The following ZFYVE19 variants were observed in gnomAD, a reference collection of about 807,000 sequenced individuals.
ZFYVE19 encodes the protein zinc finger FYVE-type containing 19.
A neutral mutation model predicts 62.8 loss-of-function variants in ZFYVE19; 49 were observed. That is an observed-to-expected ratio of 0.78 (90% confidence interval 0.62 to 0.99). ZFYVE19 has a LOEUF of 0.99. Among genes scored for constraint, ZFYVE19 ranks in the 50% least tolerant of loss-of-function variants. The pLI is 0.00. For missense variants in ZFYVE19, 630 were observed against 601.9 expected (o/e 1.05, Z -0.49); for synonymous variants, 242 against 234.3 (o/e 1.03, Z -0.30).
rs1475982139 is a variant in ZFYVE19, at chr15:40,809,199, C to T, written c.360C>T (p.Thr120=). 6.2e-7 allele frequency: 1 copy of T among 1,614,218 alleles called. No individual in the cohort carries two copies. The highest frequency in any genetic ancestry group is 1.7e-5 in the Admixed American group (1 of 60,028). The part of the protein sequence containing the change: ...FSAAVPRTGN[T]QQKVCKQCHE... ...CAGCAGTGCCTCGGACTGGGAACAC[C>T]CAACAGAAAGTCTGCAAGCAATGCC... is the stretch of plus-strand genomic sequence containing the variant. The change falls in exon 2 of 11, where the codon ACC becomes ACT. Residue 120 remains threonine, a synonymous_variant. Coordinates refer to ENST00000355341, the MANE Select transcript of ZFYVE19 (RefSeq NM_001077268.2).
At chr15:40,810,930 T>A (rs926485441) in intron 6 of ZFYVE19, 173 bp downstream of exon 6, 2 of 761,564 alleles carry the variant, frequency 2.6e-6, no homozygotes, top group Non-Finnish European at 2.0e-6. Flanking sequence ...GCCTAGTGTT[T>A]AAGTGCACGG....
chr15:40,810,704 C>T lies in ZFYVE19; in HGVS notation c.773C>T (p.Thr258Met), dbSNP rs776500976. 3.9e-5 allele frequency: 61 copies of T among 1,577,260 alleles called. 1 individual carries two copies. The highest frequency in any genetic ancestry group is 4.5e-5 in the Non-Finnish European group (52 of 1,161,366). The change falls in exon 6 of 11, where the codon ACG becomes ATG. Residue 258 changes from threonine (T) to methionine (M), a missense_variant. Thr to Met is a moderately conservative substitution (Grantham distance 81, BLOSUM62 -1). Coordinates refer to ENST00000355341, the MANE Select transcript of ZFYVE19 (RefSeq NM_001077268.2). ...GCCCAGCAGACACAGGATCTGCTAACGCAGCTGGCAGCTGAGGTGGCTATC... is the reference window on the plus strand; with the variant it reads ...GCCCAGCAGACACAGGATCTGCTAATGCAGCTGGCAGCTGAGGTGGCTATC... ...TQAQQTQDLL[T>M]QLAAEVAIDE...
chr15:40,811,991 T>G (rs1890501616), intron 6 of ZFYVE19, among the ~76,000 whole-genome samples: 1 of 152,244 alleles, frequency 6.6e-6, no homozygotes, highest in Non-Finnish European at 1.5e-5. Context: ...TGCTAATTCC[T>G]GCCCTGAAAG....
intron 6 of ZFYVE19, 79 bp downstream of exon 6, chr15:40,810,836 GGGAGATGAATATAAATC>G: frequency 2.6e-6 from 4 of 1,512,804 alleles, no homozygotes. Context: ...TCCACCCTCT[GGGAGATGAATATAAATC>G]GGAGAGTGAT....
intron 5 of ZFYVE19, 77 bp from the exon 6 acceptor site, chr15:40,810,572 C>A (rs947219676): frequency 2.6e-6 from 4 of 1,523,600 alleles, no homozygotes; most frequent in Non-Finnish European, 2.6e-6. Flanking sequence ...GCTTTGAGAA[C>A]TACTTAGCAT....
intron 6 of ZFYVE19, 112 bp from the exon 7 acceptor site, chr15:40,812,585 GAA>G: frequency 6.0e-6 from 2 of 335,382 alleles, no homozygotes; most frequent in South Asian, 6.3e-5. Flanking sequence ...AAGAAAGAAA[GAA>G]AGAAAAAATT....
rs1447848362 is a variant in ZFYVE19 at position 40,814,962 on chromosome 15, G to GCGCCCTAA, written c.*738_*745dup. The GCGCCCTAA allele has an allele frequency of 6.5e-6, 1 of 153,358 alleles. No individual in the cohort carries two copies. 9.5% of individuals were successfully genotyped at this position (153,358 alleles called of 1,614,324 possible). A position where few individuals can be genotyped will look rare whatever the true frequency, so the allele number is the denominator to read the frequency against. On this transcript the variant is annotated 3_prime_UTR_variant, in exon 11 of 11. Coordinates refer to ENST00000355341, the MANE Select transcript of ZFYVE19 (RefSeq NM_001077268.2). The stretch of plus-strand genomic sequence containing the variant: ...GTCTCAGTATCTCTCTTCCAGTAAT[G>GCGCCCTAA]CGCCCTAACCGGACCCCTGACCTCT...
At position 40,813,798 on chromosome 15, in the gene ZFYVE19, G is replaced by T. The variant is rs761945689; in HGVS notation, c.1196G>T (p.Gly399Val). ...TCTCGACCCTGGACGCAACCCCGCG[G>T]GGCAGAGCCTGAGGTGAGAAAAGCC... ...QASRPWTQPRGAEPEAQDVDP... is the reference protein window; with the variant it reads ...QASRPWTQPRVAEPEAQDVDP... Residue 399 changes from glycine (G) to valine (V), a missense_variant, in exon 9 of 11, where the codon GGG becomes GTG. Physicochemically the swap from Gly to Val is moderately radical, Grantham distance 109. Coordinates refer to ENST00000355341, the MANE Select transcript of ZFYVE19 (RefSeq NM_001077268.2). 6.2e-7 allele frequency: 1 copy of T among 1,613,774 alleles called. No homozygotes were observed. The highest frequency in any genetic ancestry group is 8.5e-7 in the Non-Finnish European group (1 of 1,179,878).
chr15:40,807,646 G>T lies in ZFYVE19; in HGVS notation c.57G>T (p.Arg19Ser). 1 of 1,612,886 alleles carries T rather than the reference G, an allele frequency of 6.2e-7. No individual in the cohort carries two copies. Reference sequence around the variant, plus strand: ...CGCCGCTGCCGTACGCTGGCTGCAGGAGAGCGTCCGGATTCCCTGCTCTAG... The same window carrying T: ...CGCCGCTGCCGTACGCTGGCTGCAGTAGAGCGTCCGGATTCCCTGCTCTAG... ...PLPPLPYAGC[R>S]RASGFPALGR... The change falls in exon 1 of 11, where the codon AGG (arginine) becomes AGT (serine). Residue 19 changes from arginine to serine, a missense_variant. Transcript: ENST00000355341.
chr15:40,814,421 C>A lies in ZFYVE19; in HGVS notation c.*195C>A. On this transcript the variant is annotated 3_prime_UTR_variant, in exon 11 of 11. Transcript: ENST00000355341. ...ATGACTGGGAGGGAAGAAGTCGGGG[C>A]CCTCCTATTAGAAGCCCAGACTGGA... 1 of 669,512 alleles carries A rather than the reference C, an allele frequency of 1.5e-6. No homozygotes were observed. The allele number at this position is 669,512 out of a possible 1,614,324, so 41.5% of individuals were successfully genotyped here. A position where few individuals can be genotyped will look rare whatever the true frequency, so the allele number is the denominator to read the frequency against.
chr15:40,813,690 G>C, intron 8 of ZFYVE19, 23 bp from the exon 9 acceptor site: 1 of 1,603,796 alleles, frequency 6.2e-7, no homozygotes, highest in Non-Finnish European at 8.5e-7. Context: ...CAGGGGAGTA[G>C]TACATCTTCA....
At chr15:40,808,175 C>A in intron 1 of ZFYVE19, 1 of 1,512,208 alleles carries the variant, frequency 6.6e-7, no homozygotes, top group Middle Eastern at 1.9e-4. Flanking sequence ...TTCTTCTCTC[C>A]ACCCTGCTCC....
In ZFYVE19 at chr15:40,813,361, CCAGA is replaced by C; in HGVS notation, c.1058_1061del (p.Asp353ValfsTer153). ...AGTGACCCTCCAGGACTATCGCCTC[CCAGA>C]CAGTGATGACGACGAGGATGAGGAG... On this transcript the variant is annotated frameshift_variant, in exon 8 of 11. Coordinates refer to ENST00000355341, the MANE Select transcript of ZFYVE19 (RefSeq NM_001077268.2). LOFTEE classifies it high-confidence loss of function. 6.2e-7 allele frequency: 1 copy of C among 1,613,230 alleles called. No homozygotes were observed. Among genetic ancestry groups the C allele is most frequent in the Non-Finnish European group, 8.5e-7 (1 of 1,179,660 alleles).
Position 40,814,531 on chromosome 15 carries a change from G to T in ZFYVE19, c.*305G>T, listed in dbSNP as rs933585353. The T allele has an allele frequency of 2.2e-6, 1 of 454,928 alleles. No individual in the cohort carries two copies. Among genetic ancestry groups the T allele is most frequent in the South Asian group, 2.2e-5 (1 of 45,108 alleles). 28.2% of individuals were successfully genotyped at this position (454,928 alleles called of 1,614,324 possible). A position where few individuals can be genotyped will look rare whatever the true frequency, so the allele number is the denominator to read the frequency against. The stretch of plus-strand genomic sequence containing the variant: ...CTCTAGGGCACAGGCCCCTCCCCTG[G>T]CACTTAGTGGGTCTAATAAAGTATG... On this transcript the variant is annotated 3_prime_UTR_variant, in exon 11 of 11. Transcript: ENST00000355341.
At position 40,807,635 on chromosome 15, in the gene ZFYVE19, G is replaced by T. The variant is rs1436055902; in HGVS notation, c.46G>T (p.Ala16Ser). The change falls in exon 1 of 11, where the codon GCT (alanine) becomes TCT (serine). Residue 16 changes from alanine (A) to serine (S), a missense_variant. Physicochemically the swap from Ala to Ser is moderately conservative, Grantham distance 99 (BLOSUM62 1). Transcript: ENST00000355341. ...GCCCCCGTTGCCGCCGCTGCCGTAC[G>T]CTGGCTGCAGGAGAGCGTCCGGATT... Reference protein sequence around the residue: ...QQPPLPPLPYAGCRRASGFPA... With the variant: ...QQPPLPPLPYSGCRRASGFPA... 38 of 1,612,988 alleles carry T rather than the reference G, an allele frequency of 2.4e-5. No homozygotes were observed. Among genetic ancestry groups the T allele is most frequent in the Middle Eastern group, 1.7e-4 (1 of 5,940 alleles).
intron 1 of ZFYVE19, 91 bp from the exon 2 acceptor site, chr15:40,809,028 G>T (rs1029097447): frequency 6.4e-7 from 1 of 1,561,294 alleles, no homozygotes; most frequent in Non-Finnish European, 8.7e-7. Flanking sequence ...CATAACTTCA[G>T]TGACTTCTCT....
In ZFYVE19 at chr15:40,807,135, G is replaced by T; in HGVS notation, c.-455G>T. On this transcript the variant is annotated 5_prime_UTR_variant, in exon 1 of 11. Transcript: ENST00000355341. ...CGGCCTCTAGGAGACAGGGGCCACG[G>T]GGAGAGCACAGCCACCCGGCGCGAA... The T allele has an allele frequency of 9.5e-7, 1 of 1,051,838 alleles. No individual in the cohort carries two copies. The highest frequency in any genetic ancestry group is 1.3e-6 in the Non-Finnish European group (1 of 748,738). 65.2% of individuals were successfully genotyped at this position (1,051,838 alleles called of 1,614,324 possible). A position where few individuals can be genotyped will look rare whatever the true frequency, so the allele number is the denominator to read the frequency against.
chr15:40,810,800 T>G (rs1385211797), intron 6 of ZFYVE19, 43 bp downstream of exon 6: 4 of 1,549,202 alleles, frequency 2.6e-6, no homozygotes, highest in Middle Eastern at 3.3e-4. Flanking sequence ...CCCTACCTCT[T>G]TCCCCAGACT....
At chr15:40,810,466 G>A (rs950705827) in intron 5 of ZFYVE19, among the ~76,000 whole-genome samples, 183 bp from the exon 6 acceptor site, 1 of 152,306 alleles carries the variant, frequency 6.6e-6, no homozygotes, top group East Asian at 1.9e-4. Flanking sequence ...CAAACAGCAC[G>A]ATAGGGTAGG....
Sources: gnomAD v4.1 joint callset for allele counts (sites outside exome capture counted in the v4.1 genomes callset) on GRCh38, gnomAD v4.1.1 for gene constraint, MANE v1.5 for transcripts, NCBI Gene and HGNC (gene_info 2026-07-23, HGNC 2026-07-21) for gene names.